KCNJ1: variants seen among roughly 807,000 people sequenced by gnomAD.
KCNJ1 encodes the protein ATP-sensitive inward rectifier potassium channel 1.
In KCNJ1, 24 loss-of-function variants were observed where a neutral mutation model predicts 21.9. The observed-to-expected ratio is 1.10, with a 90% CI of 0.79 to 1.54. KCNJ1 has a LOEUF of 1.54. KCNJ1 is among the 40% of genes most tolerant of loss of function. The pLI is 0.00. For missense variants in KCNJ1, 457 were observed against 455.4 expected (o/e 1.00, Z -0.03); for synonymous variants, 152 against 160.9 (o/e 0.94, Z 0.42).
intron 1 of KCNJ1, among the ~76,000 whole-genome samples, chr11:128,859,958 C>G (rs2847379): frequency 0.22 from 33,420 of 151,032 alleles, 3,724 homozygotes; most frequent in South Asian, 0.3. Context: ...AAAGCGCAGG[C>G]GGGAGAGGAG....
chr11:128,865,476 CT>C (rs999050328), intron 1 of KCNJ1, among the ~76,000 whole-genome samples: 4 of 152,066 alleles, frequency 2.6e-5, no homozygotes, highest in African/African-American at 9.6e-5. Flanking sequence ...AGAAAAAAAC[CT>C]GTATGTATAA....
chr11:128,840,329 C>A, intron 2 of KCNJ1, 65 bp from the exon 3 acceptor site: 1 of 1,466,574 alleles, frequency 6.8e-7, no homozygotes, highest in East Asian at 2.3e-5. Context: ...CTAGGTGACC[C>A]ACATGAAAGA....
intron 1 of KCNJ1, among the ~76,000 whole-genome samples, chr11:128,866,366 A>G (rs1943815802): frequency 6.6e-6 from 1 of 152,214 alleles, no homozygotes; most frequent in Non-Finnish European, 1.5e-5. Context: ...GGTCCATAGC[A>G]CAATCACTAT....
chr11:128,854,240 G>A (rs1943539542), intron 1 of KCNJ1, among the ~76,000 whole-genome samples: 1 of 152,192 alleles, frequency 6.6e-6, no homozygotes, highest in African/African-American at 2.4e-5. Context: ...CGGCTCTCCT[G>A]GGAGCTCGGT....
At chr11:128,865,906 A>G (rs1441366032) in intron 1 of KCNJ1, among the ~76,000 whole-genome samples, 1 of 152,214 alleles carries the variant, frequency 6.6e-6, no homozygotes, top group Non-Finnish European at 1.5e-5. Context: ...ATTAAAGATT[A>G]AGACCCACTC....
chr11:128,858,636 A>T (rs1159527268), intron 1 of KCNJ1, among the ~76,000 whole-genome samples: 1 of 152,240 alleles, frequency 6.6e-6, no homozygotes, highest in Non-Finnish European at 1.5e-5. Context: ...GAAATCACTG[A>T]CATTAACAGA....
In KCNJ1 at chr11:128,866,614, C is replaced by T. The variant is rs930859841; in HGVS notation, c.-192+559G>A. The T allele has an allele frequency of 4.5e-6, 3 of 666,188 alleles. No homozygotes were observed. The African/African-American group carries it at 5.9e-5, about 13-fold the overall frequency. The allele number at this position is 666,188 out of a possible 1,614,324, so 41.3% of individuals were successfully genotyped here. A position where few individuals can be genotyped will look rare whatever the true frequency, so the allele number is the denominator to read the frequency against. ...GAAGCTGAACAAATGTTGAGAAATC[C>T]AAATGTATCCATTCAGAATGGTGCA... On this transcript the variant is annotated intron_variant, in intron 1 of 2. Transcript: ENST00000392666.
intron 1 of KCNJ1, among the ~76,000 whole-genome samples, chr11:128,858,135 T>G (rs1449365310): frequency 3.0e-4 from 29 of 95,566 alleles, no homozygotes; most frequent in African/African-American, 6.0e-4. Context: ...GGAGGGATGG[T>G]GAGGGAAGGC....
intron 1 of KCNJ1, among the ~76,000 whole-genome samples, chr11:128,856,267 G>A (rs1943588531): frequency 6.7e-6 from 1 of 148,938 alleles, no homozygotes; most frequent in Non-Finnish European, 1.5e-5. Flanking sequence ...TAGACGAGAA[G>A]GATGCAATTG....
chr11:128,850,298 G>C lies in KCNJ1; in HGVS notation c.-22+423C>G, dbSNP rs542697525. ...AGATCCCCCTCCCCATTTAAATCAA[G>C]TTTCCTCTCCTTGCAAAATTTGACT... On this transcript the variant is annotated intron_variant, in intron 2 of 2. Transcript: ENST00000392666. 1.1e-4 allele frequency among the ~76,000 whole-genome samples: 17 copies of C among 152,178 alleles called. No individual in the cohort carries two copies. The South Asian group carries it at 3.5e-3, about 32-fold the overall frequency.
At chr11:128,858,825 A>G (rs923361138) in intron 1 of KCNJ1, among the ~76,000 whole-genome samples, 2 of 152,232 alleles carry the variant, frequency 1.3e-5, no homozygotes, top group Admixed American at 6.5e-5. Flanking sequence ...TTAGTCTACT[A>G]TAGGACTCAG....
In KCNJ1 at chr11:128,858,160, G is replaced by C. The variant is rs185416510; in HGVS notation, c.-191-7270C>G. On this transcript the variant is annotated intron_variant, in intron 1 of 2. Transcript: ENST00000392666. ...TGAGGGAAGGCGAGGGTTGGGGAGG[G>C]ATGGCGAGGGATGGCGAGGGATGGG... Among the ~76,000 whole-genome samples the C allele has an allele frequency of 2.4e-3, 364 of 150,040 alleles. 1 individual carries two copies. Among genetic ancestry groups the C allele is most frequent in the Non-Finnish European group, 3.8e-3 (257 of 67,634 alleles).
chr11:128,859,921 G>A (rs1041203867), intron 1 of KCNJ1, among the ~76,000 whole-genome samples: 3 of 152,250 alleles, frequency 2.0e-5, no homozygotes, highest in Admixed American at 6.5e-5. Flanking sequence ...CCGTAAGTAG[G>A]CACTGGTGCT....
In KCNJ1 at chr11:128,839,399, A is replaced by G; in HGVS notation, c.845T>C (p.Val282Ala). 1 of 1,614,214 alleles carries G rather than the reference A, an allele frequency of 6.2e-7. No homozygotes were observed. The highest frequency in any genetic ancestry group is 1.1e-5 in the South Asian group (1 of 91,082). ...FELVVFLDGT[V>A]ESTSATCQVR... The stretch of plus-strand genomic sequence containing the variant: ...TTGGCAGGTAGCACTGGTGGACTCC[A>G]CTGTGCCATCTAAAAACACCACTAA... The change falls in exon 3 of 3, where the codon GTG (valine) becomes GCG (alanine). Residue 282 changes from valine (V) to alanine (A), a missense_variant. Transcript: ENST00000392666.
intron 1 of KCNJ1, chr11:128,866,440 G>T (rs1180774774): frequency 6.2e-6 from 2 of 322,672 alleles, no homozygotes; most frequent in Non-Finnish European, 8.9e-6. Flanking sequence ...CCTAAAGATT[G>T]CTGGTTGCGA....
intron 2 of KCNJ1, among the ~76,000 whole-genome samples, chr11:128,848,027 G>A (rs1010522883): frequency 3.3e-5 from 5 of 151,856 alleles, no homozygotes; most frequent in South Asian, 2.1e-4. Flanking sequence ...AGTGGCTCAC[G>A]CCTGTAATCC....
At chr11:128,845,644 A>T (rs1215497130) in intron 2 of KCNJ1, among the ~76,000 whole-genome samples, 5 of 152,180 alleles carry the variant, frequency 3.3e-5, no homozygotes, top group Non-Finnish European at 7.4e-5. Flanking sequence ...TGTCTTTACC[A>T]CTATCAGGCA....
At chr11:128,845,289 G>A (rs1237557695) in intron 2 of KCNJ1, among the ~76,000 whole-genome samples, 2 of 152,238 alleles carry the variant, frequency 1.3e-5, no homozygotes, top group Non-Finnish European at 2.9e-5. Flanking sequence ...GAATTGTAAT[G>A]TGGCAGGTTT....
intron 2 of KCNJ1, among the ~76,000 whole-genome samples, chr11:128,844,843 T>C (rs1199102877): frequency 6.7e-6 from 1 of 148,968 alleles, no homozygotes; most frequent in East Asian, 1.9e-4. Context: ...TCTATAGAAA[T>C]GGAAAAAAAA....
Sources: allele counts gnomAD v4.1 joint callset (sites outside exome capture counted in the v4.1 genomes callset), GRCh38; gene constraint gnomAD v4.1.1; transcripts MANE v1.5; gene names NCBI Gene and HGNC (gene_info 2026-07-23, HGNC 2026-07-21).